The following ATG10 variants were observed in gnomAD, a reference collection of about 807,000 sequenced individuals.
ATG10 encodes the protein autophagy related 10, also known as ubiquitin-like-conjugating enzyme ATG10.
A neutral mutation model predicts 32.1 loss-of-function variants in ATG10; 30 were observed. The observed-to-expected ratio is 0.94, with a 90% CI of 0.70 to 1.27. ATG10 has a LOEUF of 1.27. Among genes scored for constraint, ATG10 ranks in the 50% most tolerant of loss-of-function variants. The pLI, the probability that ATG10 is intolerant of heterozygous loss-of-function variation, is 0.00. For synonymous variants in ATG10, 87 were observed against 91.5 expected (o/e 0.95, Z 0.28); for missense variants, 233 against 262.3 (o/e 0.89, Z 0.77).
intron 3 of ATG10, among the ~76,000 whole-genome samples, chr5:82,084,251 A>G (rs941036014): frequency 3.9e-5 from 6 of 152,244 alleles, no homozygotes; most frequent in African/African-American, 1.4e-4. Context: ...GATCAAATGA[A>G]TTAAATGAAG....
chr5:82,091,807 A>G lies in ATG10; in HGVS notation c.216+33205A>G, dbSNP rs77800302. Among the ~76,000 whole-genome samples the G allele has an allele frequency of 5.3e-3, 806 of 152,330 alleles. 6 individuals carry two copies. Among genetic ancestry groups the G allele is most frequent in the African/African-American group, 0.018 (758 of 41,576 alleles). ...TCTCAAGAAGCATTTTCAGTTGGAT[A>G]AATGCTGACTTAAGGTCGTTTGGTT... On this transcript the variant is annotated intron_variant, in intron 3 of 7. Coordinates refer to ENST00000282185, the MANE Select transcript of ATG10 (RefSeq NM_031482.5).
intron 5 of ATG10, among the ~76,000 whole-genome samples, chr5:82,218,464 T>G (rs1030023978): frequency 6.6e-6 from 1 of 152,182 alleles, no homozygotes; most frequent in Non-Finnish European, 1.5e-5. Flanking sequence ...ACAGGTTCAG[T>G]TGTTTTGGTA....
At chr5:82,125,704 G>A (rs1766242702) in intron 3 of ATG10, among the ~76,000 whole-genome samples, 1 of 152,110 alleles carries the variant, frequency 6.6e-6, no homozygotes, top group Non-Finnish European at 1.5e-5. Flanking sequence ...AAGTCAGGTA[G>A]TGTGATGCCT....
chr5:82,043,334 G>T (rs948692905), intron 2 of ATG10, among the ~76,000 whole-genome samples: 1 of 152,224 alleles, frequency 6.6e-6, no homozygotes, highest in Non-Finnish European at 1.5e-5. Flanking sequence ...GAGCAGTGGG[G>T]CCCTGGGCCT....
intron 3 of ATG10, among the ~76,000 whole-genome samples, chr5:82,087,331 A>G (rs1177237716): frequency 6.6e-6 from 1 of 152,148 alleles, no homozygotes; most frequent in Non-Finnish European, 1.5e-5. Flanking sequence ...GAAGTACTCA[A>G]TATATTGAAA....
intron 5 of ATG10, among the ~76,000 whole-genome samples, chr5:82,208,794 T>G (rs536559991): frequency 1.3e-4 from 20 of 152,242 alleles, no homozygotes; most frequent in Non-Finnish European, 2.4e-4. Context: ...TTTTCTGTTA[T>G]ACTCCTTTAA....
At chr5:82,241,395 T>C (rs527453976) in intron 5 of ATG10, among the ~76,000 whole-genome samples, 86 of 152,306 alleles carry the variant, frequency 5.6e-4, no homozygotes, top group Non-Finnish European at 9.0e-4. Context: ...TCAGAATGTA[T>C]CACTTTTTTG....
chr5:82,019,017 ATC>A (rs1762366935), intron 2 of ATG10, among the ~76,000 whole-genome samples: 1 of 152,242 alleles, frequency 6.6e-6, no homozygotes, highest in African/African-American at 2.4e-5. Flanking sequence ...CAACTAGAAT[ATC>A]TCTGAGTATA....
At chr5:82,227,237 C>T (rs1433320182) in intron 5 of ATG10, among the ~76,000 whole-genome samples, 2 of 152,022 alleles carry the variant, frequency 1.3e-5, no homozygotes, top group African/African-American at 2.4e-5. Flanking sequence ...AAAAGAAAGA[C>T]ATCTGACATC....
chr5:82,245,896 A>G (rs1277205750), intron 5 of ATG10, among the ~76,000 whole-genome samples: 2 of 152,066 alleles, frequency 1.3e-5, no homozygotes, highest in Non-Finnish European at 2.9e-5. Flanking sequence ...AGCATGTACA[A>G]TTTAACCGTG....
At position 82,157,805 on chromosome 5, in the gene ATG10, A is replaced by G. The variant is rs373445199; in HGVS notation, c.217-6594A>G. ...GGTTTCTGTGTCCAGTCTTCAGTAC[A>G]GCTAAGGACTGTGGACTGTCTTTGA... is the stretch of plus-strand genomic sequence containing the variant. On this transcript the variant is annotated intron_variant, in intron 3 of 7. Transcript: ENST00000282185. 3.9e-5 allele frequency among the ~76,000 whole-genome samples: 6 copies of G among 152,330 alleles called. No individual in the cohort carries two copies. The South Asian group carries it at 1.2e-3, about 32-fold the overall frequency.
intron 2 of ATG10, among the ~76,000 whole-genome samples, chr5:82,027,159 G>C (rs975650695): frequency 2.0e-5 from 3 of 152,098 alleles, no homozygotes; most frequent in Non-Finnish European, 4.4e-5. Flanking sequence ...AGCACTGTGG[G>C]AGGTCAAGGT....
At chr5:82,025,798 A>G (rs1017989823) in intron 2 of ATG10, among the ~76,000 whole-genome samples, 1 of 152,200 alleles carries the variant, frequency 6.6e-6, no homozygotes, top group African/African-American at 2.4e-5. Context: ...TCTCTGTAGT[A>G]GCAGTACCAG....
At chr5:82,006,366 G>A (rs1334708515) in intron 2 of ATG10, among the ~76,000 whole-genome samples, 1 of 152,144 alleles carries the variant, frequency 6.6e-6, no homozygotes, top group Non-Finnish European at 1.5e-5. Context: ...AAAGTAAAGA[G>A]AATAGTATAA....
chr5:82,116,675 AAC>A (rs1344494077), intron 3 of ATG10, among the ~76,000 whole-genome samples: 3 of 152,120 alleles, frequency 2.0e-5, no homozygotes, highest in Non-Finnish European at 4.4e-5. Flanking sequence ...AGCAAAACAA[AAC>A]AAACATCATC....
chr5:82,178,356 C>G lies in ATG10; in HGVS notation c.356-134C>G, dbSNP rs562094475. ...AAAATAGTAATTCATATAGCACTCT[C>G]TTGATATATAAATAGCATGTGCACT... is the stretch of plus-strand genomic sequence containing the variant. On this transcript the variant is annotated intron_variant, in intron 4 of 7. Coordinates refer to ENST00000282185, the MANE Select transcript of ATG10 (RefSeq NM_031482.5). 2.3e-4 allele frequency: 133 copies of G among 580,056 alleles called. 3 individuals are homozygous for G. The South Asian group carries it at 2.9e-3, about 13-fold the overall frequency. 35.9% of individuals were successfully genotyped at this position (580,056 alleles called of 1,614,324 possible). A position where few individuals can be genotyped will look rare whatever the true frequency, so the allele number is the denominator to read the frequency against.
intron 5 of ATG10, among the ~76,000 whole-genome samples, chr5:82,222,597 G>C (rs1351841280): frequency 1.3e-5 from 2 of 152,136 alleles, no homozygotes; most frequent in Non-Finnish European, 2.9e-5. Context: ...AACAAATGAT[G>C]TTATATTTAA....
chr5:82,082,803 A>T (rs951298150), intron 3 of ATG10, among the ~76,000 whole-genome samples: 2 of 152,190 alleles, frequency 1.3e-5, no homozygotes, highest in African/African-American at 4.8e-5. Context: ...AATTCCAATC[A>T]TGGTTGTCTT....
At chr5:82,062,537 G>A (rs992444694) in intron 3 of ATG10, among the ~76,000 whole-genome samples, 16 of 152,114 alleles carry the variant, frequency 1.1e-4, no homozygotes, top group African/African-American at 2.9e-4. Context: ...TATAACAAGC[G>A]TACAGTGCTA....
Sources: allele counts gnomAD v4.1 joint callset (sites outside exome capture counted in the v4.1 genomes callset), GRCh38; gene constraint gnomAD v4.1.1; transcripts MANE v1.5; gene names NCBI Gene and HGNC (gene_info 2026-07-23, HGNC 2026-07-21).